PGD: variants seen among roughly 807,000 people sequenced by gnomAD.
The protein encoded by PGD is phosphogluconate dehydrogenase.
Under a neutral mutation model 60.4 loss-of-function variants are expected in PGD, and 21 were observed. The observed-to-expected ratio is 0.35, with a 90% confidence interval of 0.25 to 0.50. PGD has a LOEUF of 0.50. Among genes scored for constraint, PGD ranks in the 20% least tolerant of loss-of-function variants. The pLI, the probability that PGD is intolerant of heterozygous loss-of-function variation, is 0.98. For synonymous variants in PGD, 230 were observed against 235.9 expected, an observed-to-expected ratio of 0.97 and a Z score of 0.23; for missense variants, 477 against 613.1, an observed-to-expected ratio of 0.78 and a Z score of 2.34.
chr1:10,399,350 C>A (rs1639269548), intron 1 of PGD: 2 of 559,200 alleles, frequency 3.6e-6, no homozygotes, highest in African/African-American at 4.0e-5. Flanking sequence ...GGGGCGGGTC[C>A]CTTCGAGGGC....
In PGD at chr1:10,399,084, G is replaced by T. The variant is rs755362631; in HGVS notation, c.-34G>T. Reference sequence around the variant, plus strand: ...TCTTTCCCTCACTCGTCCTCCGCGCGTCGCCGCTCTTCGGTTCTGCTCTGT... The same window carrying T: ...TCTTTCCCTCACTCGTCCTCCGCGCTTCGCCGCTCTTCGGTTCTGCTCTGT... On this transcript the variant is annotated 5_prime_UTR_variant, in exon 1 of 13. Coordinates refer to ENST00000270776, the MANE Select transcript of PGD (RefSeq NM_002631.4). 5 of 1,608,814 alleles carry T rather than the reference G, an allele frequency of 3.1e-6. No homozygotes were observed. The highest frequency in any genetic ancestry group is 4.2e-6 in the Non-Finnish European group (5 of 1,179,484).
intron 7 of PGD, chr1:10,412,793 G>A: frequency 2.6e-6 from 1 of 386,500 alleles, no homozygotes; most frequent in Non-Finnish European, 4.8e-6. Flanking sequence ...AGGCGACACT[G>A]CACAGAGACC....
rs1485858762 is a variant in PGD, at chr1:10,400,582, G to A, written c.264+10G>A. 6.2e-7 allele frequency: 1 copy of A among 1,606,866 alleles called. No individual in the cohort carries two copies. Among genetic ancestry groups the A allele is most frequent in the African/African-American group, 1.3e-5 (1 of 74,664 alleles). ...TTTCATCGAGAAATTGGTGAGGCCA[G>A]CTGTGCTCTCAGCTGCTACCACGAT... On this transcript the variant is annotated intron_variant, in intron 3 of 12. Transcript: ENST00000270776.
intron 4 of PGD, 45 bp downstream of exon 4, chr1:10,403,181 C>G (rs369692028): frequency 3.6e-5 from 51 of 1,398,172 alleles, no homozygotes; most frequent in Non-Finnish European, 5.1e-5. Flanking sequence ...CGAGAACATT[C>G]TAGAAAAAAG....
chr1:10,403,094 C>T lies in PGD; in HGVS notation c.288C>T (p.Asp96=). The change falls in exon 4 of 13, where the codon GAC becomes GAT. Residue 96 remains aspartate (D), a synonymous_variant. Transcript: ENST00000270776. ...AGGTACCATTGTTGGATACTGGTGA[C>T]ATCATCATTGACGGAGGAAATTCTG... ...EKLVPLLDTG[D]IIIDGGNSEY... is the part of the protein sequence containing the mutation. 1 of 1,610,496 alleles carries T rather than the reference C, an allele frequency of 6.2e-7. No individual in the cohort carries two copies. Among genetic ancestry groups the T allele is most frequent in the Non-Finnish European group, 8.5e-7 (1 of 1,176,722 alleles).
Position 10,412,950 on chromosome 1 carries a change from A to T in PGD, c.655-112A>T, listed in dbSNP as rs1266636918. The T allele has an allele frequency of 1.0e-5, 9 of 864,336 alleles. No homozygotes were observed. In the Admixed American group the frequency reaches 1.7e-4, roughly 17 times the overall value. 53.5% of individuals were successfully genotyped at this position (864,336 alleles called of 1,614,324 possible). ...GAGCAGAAGTCCCCAGGCAGACGCG[A>T]GCAGAGCCTGCTGGCAACCGTGAGC... On this transcript the variant is annotated intron_variant, in intron 7 of 12. Coordinates refer to ENST00000270776, the MANE Select transcript of PGD (RefSeq NM_002631.4).
At position 10,400,464 on chromosome 1, in the gene PGD, G is replaced by T. The variant is rs775027315; in HGVS notation, c.156G>T (p.Val52=). The part of the protein sequence containing the change: ...FLANEAKGTK[V]VGAQSLKEMV... The stretch of plus-strand genomic sequence containing the variant: ...CCAATGAGGCAAAGGGAACCAAAGT[G>T]GTGGGTGCCCAGTCCCTGAAAGAGA... Residue 52 remains valine (V), a synonymous_variant, in exon 3 of 13, where the codon GTG becomes GTT. Coordinates refer to ENST00000270776, the MANE Select transcript of PGD (RefSeq NM_002631.4). The T allele has an allele frequency of 7.3e-5, 118 of 1,613,700 alleles. 1 individual carries two copies. The South Asian group carries it at 1.2e-3, about 17-fold the overall frequency.
In PGD at chr1:10,418,441, G is replaced by GT. The variant is rs1032281480; in HGVS notation, c.1110-384dup. 9.9e-5 allele frequency among the ~76,000 whole-genome samples: 15 copies of GT among 152,032 alleles called. 1 individual carries two copies. Among genetic ancestry groups the GT allele is most frequent in the Admixed American group, 9.2e-4 (14 of 15,244 alleles). ...AGAAATGTAACTTTGTTTCACTAGGGTATACATCGGCTTCCAGCTTACTTC... is the reference window on the plus strand; with the variant it reads ...AGAAATGTAACTTTGTTTCACTAGGGTTATACATCGGCTTCCAGCTTACTTC... On this transcript the variant is annotated intron_variant, in intron 10 of 12. Transcript: ENST00000270776.
At chr1:10,412,562 A>C (rs978765777) in intron 7 of PGD, among the ~76,000 whole-genome samples, 6 of 152,212 alleles carry the variant, frequency 3.9e-5, no homozygotes, top group African/African-American at 1.2e-4. Context: ...GGTATATATA[A>C]TACTTAACGT....
chr1:10,418,895 C>A lies in PGD; in HGVS notation c.1179C>A (p.Asp393Glu). The change falls in exon 11 of 13, where the codon GAC becomes GAA. Residue 393 changes from aspartate (D) to glutamate (E), a missense_variant. Coordinates refer to ENST00000270776, the MANE Select transcript of PGD (RefSeq NM_002631.4). ...NPELQNLLLD[D>E]FFKSAVENCQ... ...AACTTCAGAACCTCCTACTGGACGA[C>A]TTCTTTAAGTCAGCTGTTGAAAACT... is the stretch of plus-strand genomic sequence containing the variant. The A allele has an allele frequency of 6.2e-7, 1 of 1,611,128 alleles. No homozygotes were observed. Among genetic ancestry groups the A allele is most frequent in the Non-Finnish European group, 8.5e-7 (1 of 1,177,512 alleles).
chr1:10,400,367 C>G, intron 2 of PGD, 26 bp from the exon 3 acceptor site: 1 of 1,554,214 alleles, frequency 6.4e-7, no homozygotes, highest in Non-Finnish European at 8.8e-7. Flanking sequence ...TCCTGGATCT[C>G]CTACTCAGGA....
chr1:10,418,498 C>T lies in PGD; in HGVS notation c.1110-328C>T, dbSNP rs377438854. Among the ~76,000 whole-genome samples, 155 of 152,188 alleles carry T rather than the reference C, an allele frequency of 1.0e-3. 1 individual carries two copies. The highest frequency in any genetic ancestry group is 3.6e-3 in the African/African-American group (149 of 41,514). On this transcript the variant is annotated intron_variant, in intron 10 of 12. Transcript: ENST00000270776. ...AGAGTTAAGATTCATTGCATTTGGC[C>T]GGGCGCGGTGGCTCACACCTGTAAT...
rs1347923305 is a variant in PGD at position 10,420,009 on chromosome 1, C to T, written c.*260C>T. The T allele has an allele frequency of 2.2e-5, 10 of 461,590 alleles. No homozygotes were observed. The highest frequency in any genetic ancestry group is 2.3e-5 in the South Asian group (1 of 44,340). 28.6% of individuals were successfully genotyped at this position (461,590 alleles called of 1,614,324 possible). On this transcript the variant is annotated 3_prime_UTR_variant, in exon 13 of 13. Transcript: ENST00000270776. ...ACCATCTCCTTGCGGCAGTGGCTTC[C>T]GCGTGCCCCGTGTGCTGGTGCGGTT...
intron 5 of PGD, 56 bp downstream of exon 5, chr1:10,404,335 C>T (rs534972285): frequency 6.2e-5 from 70 of 1,135,984 alleles, no homozygotes; most frequent in African/African-American, 6.0e-4. Context: ...ACTTTGAGAA[C>T]GAATAAGCCA....
intron 6 of PGD, 137 bp from the exon 7 acceptor site, chr1:10,411,281 C>T: frequency 1.2e-6 from 1 of 823,302 alleles, no homozygotes; most frequent in Non-Finnish European, 1.9e-6. Flanking sequence ...ATCAAAAATG[C>T]TGTACTCATT....
intron 1 of PGD, chr1:10,399,418 G>A: frequency 2.2e-6 from 1 of 458,712 alleles, no homozygotes; most frequent in Non-Finnish European, 3.7e-6. Context: ...CGGGACGCGT[G>A]CCAGCGGGAG....
chr1:10,419,661 A>G lies in PGD; in HGVS notation c.1364A>G (p.Tyr455Cys). The change falls in exon 13 of 13, where the codon TAT (tyrosine) becomes TGT (cysteine). Residue 455 changes from tyrosine to cysteine, a missense_variant. Transcript: ENST00000270776. ...CGGGATTACTTCGGGGCTCACACCT[A>G]TGAACTCTTGGCCAAACCAGGGCAG... ...AQRDYFGAHT[Y>C]ELLAKPGQFI... 6.2e-7 allele frequency: 1 copy of G among 1,614,178 alleles called. No homozygotes were observed. Among genetic ancestry groups the G allele is most frequent in the Non-Finnish European group, 8.5e-7 (1 of 1,180,026 alleles).
intron 8 of PGD, among the ~76,000 whole-genome samples, chr1:10,416,006 CA>C (rs200805781): frequency 9.8e-4 from 143 of 145,810 alleles, no homozygotes; most frequent in Middle Eastern, 3.5e-3. Flanking sequence ...GTAAAATCTT[CA>C]AAAAAAAAAA....
At chr1:10,415,921 G>A (rs1639587891) in intron 8 of PGD, among the ~76,000 whole-genome samples, 1 of 151,828 alleles carries the variant, frequency 6.6e-6, no homozygotes, top group South Asian at 2.1e-4. Flanking sequence ...AATGATTACG[G>A]CTATACTGAA....
Sources: allele counts gnomAD v4.1 joint callset (sites outside exome capture counted in the v4.1 genomes callset), GRCh38; gene constraint gnomAD v4.1.1; transcripts MANE v1.5; gene names NCBI Gene and HGNC (gene_info 2026-07-23, HGNC 2026-07-21).